CDH12: variants seen among roughly 807,000 people sequenced by gnomAD.
CDH12 encodes cadherin 12.
In CDH12, 41 loss-of-function variants were observed where a neutral mutation model predicts 74.1. The ratio of observed to expected loss-of-function variants is 0.55; its 90% CI spans 0.43 to 0.72. CDH12 has a LOEUF of 0.72. CDH12 is among the 30% of genes least tolerant of loss of function. The pLI is 0.00. For missense variants in CDH12, 945 were observed against 977.2 expected, an observed-to-expected ratio of 0.97 and a Z score of 0.44; for synonymous variants, 399 against 355.0, an observed-to-expected ratio of 1.12 and a Z score of -1.39.
chr5:22,155,220 G>A (rs1747946349), intron 4 of CDH12, among the ~76,000 whole-genome samples: 1 of 152,088 alleles, frequency 6.6e-6, no homozygotes, highest in African/African-American at 2.4e-5. Flanking sequence ...GGTCAAGTGT[G>A]CTATGTAACA....
intron 3 of CDH12, among the ~76,000 whole-genome samples, chr5:22,276,546 G>A (rs961019067): frequency 4.6e-5 from 7 of 152,190 alleles, no homozygotes; most frequent in Non-Finnish European, 1.0e-4. Context: ...TGTATGTGAT[G>A]TGAAAGAATG....
In CDH12 at chr5:22,288,769, T is replaced by C. The variant is rs75107358; in HGVS notation, c.-332-76126A>G. ...TTTTTCCTGAAAGAAATTAAACAAG[T>C]ATGTAAACATAATGTCTGGTATTAA... On this transcript the variant is annotated intron_variant, in intron 3 of 14. Transcript: ENST00000382254. 1.9e-4 allele frequency among the ~76,000 whole-genome samples: 29 copies of C among 152,288 alleles called. No homozygotes were observed. The East Asian group carries it at 5.4e-3, about 28-fold the overall frequency.
chr5:21,860,478 T>C lies in CDH12; in HGVS notation c.527-5688A>G, dbSNP rs192465975. Among the ~76,000 whole-genome samples the C allele has an allele frequency of 2.6e-4, 39 of 152,150 alleles. 1 individual carries two copies. The East Asian group carries it at 5.2e-3, about 20-fold the overall frequency. ...AATATAGAGTGTCAACTTGATTAGA[T>C]TGAAGGATGCAAATTATTTTTACTG... On this transcript the variant is annotated intron_variant, in intron 6 of 14. Coordinates refer to ENST00000382254, the MANE Select transcript of CDH12 (RefSeq NM_004061.5).
At chr5:22,291,251 C>G (rs1212850298) in intron 3 of CDH12, among the ~76,000 whole-genome samples, 1 of 152,080 alleles carries the variant, frequency 6.6e-6, no homozygotes, top group African/African-American at 2.4e-5. Flanking sequence ...GACAAACCCA[C>G]AGCTAATATC....
chr5:22,483,576 G>C (rs1746466009), intron 2 of CDH12, among the ~76,000 whole-genome samples: 1 of 150,270 alleles, frequency 6.7e-6, no homozygotes, highest in South Asian at 2.1e-4. Context: ...TAGGCGAGTA[G>C]AGCTCTGTAC....
At chr5:22,293,759 CATG>C (rs773958309) in intron 3 of CDH12, among the ~76,000 whole-genome samples, 1 of 152,102 alleles carries the variant, frequency 6.6e-6, no homozygotes, top group Non-Finnish European at 1.5e-5. Context: ...GCAAATACTG[CATG>C]ATATCATTTA....
chr5:22,430,166 G>A (rs1199798937), intron 2 of CDH12, among the ~76,000 whole-genome samples: 31 of 152,142 alleles, frequency 2.0e-4, no homozygotes, highest in Admixed American at 2.0e-3. Flanking sequence ...TTTGTTAGAA[G>A]TAATCTCCCA....
At chr5:22,258,917 C>T (rs956278572) in intron 3 of CDH12, among the ~76,000 whole-genome samples, 1 of 152,120 alleles carries the variant, frequency 6.6e-6, no homozygotes, top group Non-Finnish European at 1.5e-5. Flanking sequence ...CTTAGAACGT[C>T]TCCTGGAATT....
intron 5 of CDH12, among the ~76,000 whole-genome samples, chr5:22,066,957 G>A (rs1361658336): frequency 2.6e-5 from 4 of 152,102 alleles, no homozygotes; most frequent in Admixed American, 1.3e-4. Flanking sequence ...CCTGGTACCT[G>A]GTATGAAGCT....
In CDH12 at chr5:22,437,291, A is replaced by C. The variant is rs140486892; in HGVS notation, c.-427-31940T>G. Among the ~76,000 whole-genome samples the C allele has an allele frequency of 3.9e-3, 600 of 152,002 alleles. 1 individual carries two copies. Among genetic ancestry groups the C allele is most frequent in the Non-Finnish European group, 6.7e-3 (453 of 67,910 alleles). On this transcript the variant is annotated intron_variant, in intron 2 of 14. Transcript: ENST00000382254. ...ACTTGGATTTAGCACAACAAAAGTA[A>C]TATAATAATCAATTCACTCAAATCA...
At chr5:22,616,851 A>C (rs1737714911) in intron 1 of CDH12, among the ~76,000 whole-genome samples, 1 of 151,790 alleles carries the variant, frequency 6.6e-6, no homozygotes, top group Non-Finnish European at 1.5e-5. Context: ...TTGTGAATGG[A>C]ATTTGTGCCA....
At chr5:22,465,492 A>C (rs112133123) in intron 2 of CDH12, among the ~76,000 whole-genome samples, 2,139 of 152,256 alleles carry the variant, frequency 0.014, 58 homozygotes, top group African/African-American at 0.048. Context: ...CAAAAAATTT[A>C]AAAATTAGCT....
At chr5:22,015,855 A>G (rs1369835931) in intron 5 of CDH12, among the ~76,000 whole-genome samples, 1 of 152,202 alleles carries the variant, frequency 6.6e-6, no homozygotes, top group Non-Finnish European at 1.5e-5. Flanking sequence ...GAGGAAAGCA[A>G]ACAAACTATT....
intron 1 of CDH12, among the ~76,000 whole-genome samples, chr5:22,783,383 T>C (rs770107731): frequency 1.3e-5 from 2 of 152,152 alleles, no homozygotes; most frequent in Non-Finnish European, 2.9e-5. Context: ...GACCTTTGCT[T>C]AGTTTCACGG....
At chr5:22,373,719 CTGCA>C (rs1741395954) in intron 3 of CDH12, among the ~76,000 whole-genome samples, 1 of 152,190 alleles carries the variant, frequency 6.6e-6, no homozygotes, top group Non-Finnish European at 1.5e-5. Flanking sequence ...GACCACACTC[CTGCA>C]TGTACCCAAA....
chr5:21,844,079 G>A (rs552345455), intron 7 of CDH12, among the ~76,000 whole-genome samples: 22 of 152,068 alleles, frequency 1.4e-4, no homozygotes, highest in Non-Finnish European at 2.4e-4. Flanking sequence ...AGACAGAATT[G>A]TGGAGTTGTT....
chr5:22,305,926 G>A (rs1286835226), intron 3 of CDH12, among the ~76,000 whole-genome samples: 3 of 151,960 alleles, frequency 2.0e-5, no homozygotes, highest in Non-Finnish European at 2.9e-5. Context: ...CACCCTGAAT[G>A]ATCTTCTTTC....
chr5:22,694,777 ATATACACACACACATATATG>A (rs1162236311), intron 1 of CDH12, among the ~76,000 whole-genome samples: 6 of 151,894 alleles, frequency 4.0e-5, no homozygotes, highest in Non-Finnish European at 8.8e-5. Flanking sequence ...TGGCATATAT[ATATACACACACACATATATG>A]TATACACACA....
At chr5:22,426,848 T>A (rs946192451) in intron 2 of CDH12, among the ~76,000 whole-genome samples, 1 of 152,220 alleles carries the variant, frequency 6.6e-6, no homozygotes, top group Non-Finnish European at 1.5e-5. Context: ...TTTGATGTTT[T>A]ACCTGATGCA....
Sources: gnomAD v4.1 joint callset for allele counts (sites outside exome capture counted in the v4.1 genomes callset) on GRCh38, gnomAD v4.1.1 for gene constraint, MANE v1.5 for transcripts, NCBI Gene and HGNC (gene_info 2026-07-23, HGNC 2026-07-21) for gene names.